Variants in FRMD3 observed in about 807,000 individuals in gnomAD.
FRMD3 encodes FERM domain containing 3, also known as FERM domain-containing protein 3.
FRMD3 carries 33 observed loss-of-function variants against 70.2 expected under a neutral mutation model. The observed-to-expected ratio is 0.47, with a 90% CI of 0.36 to 0.63. FRMD3 has a LOEUF of 0.63. Among genes scored for constraint, FRMD3 ranks in the 20% least tolerant of loss-of-function variants. The pLI, the probability that FRMD3 is intolerant of heterozygous loss-of-function variation, is 0.00. For synonymous variants in FRMD3, 279 were observed against 255.9 expected (o/e 1.09, Z -0.86); for missense variants, 632 against 711.4 (o/e 0.89, Z 1.27).
In FRMD3 at chr9:83,423,754, G is replaced by A. The variant is rs149398801; in HGVS notation, c.148-34046C>T. Among the ~76,000 whole-genome samples, 489 of 151,938 alleles carry A rather than the reference G, an allele frequency of 3.2e-3. 1 individual carries two copies. Among genetic ancestry groups the A allele is most frequent in the African/African-American group, 0.011 (456 of 41,422 alleles). ...TGGAATTACAGGCTTGTGTCACCAT[G>A]CCCAACTAATTTTTGTATTTTTGCA... On this transcript the variant is annotated intron_variant, in intron 1 of 13. Coordinates refer to ENST00000304195, the MANE Select transcript of FRMD3 (RefSeq NM_174938.6).
At chr9:83,456,816 C>T (rs1827830886) in intron 1 of FRMD3, among the ~76,000 whole-genome samples, 1 of 151,942 alleles carries the variant, frequency 6.6e-6, no homozygotes, top group African/African-American at 2.4e-5. Context: ...CCTGTCTCTA[C>T]AAAAAATACA....
intron 13 of FRMD3, among the ~76,000 whole-genome samples, chr9:83,250,322 C>T (rs1320626314): frequency 2.6e-5 from 4 of 152,208 alleles, no homozygotes; most frequent in African/African-American, 9.7e-5. Flanking sequence ...TGAGCCCAGG[C>T]CACCAGGGCC....
At chr9:83,582,293 T>C in the FRMD3 span, among the ~76,000 whole-genome samples, 8 of 152,158 alleles carry the variant, frequency 5.3e-5, no homozygotes, top group African/African-American at 1.9e-4. Flanking sequence ...AATGTTGCAA[T>C]TGGAAGAATT....
intron 10 of FRMD3, among the ~76,000 whole-genome samples, chr9:83,304,372 G>C: frequency 6.6e-6 from 1 of 152,022 alleles, no homozygotes; most frequent in Non-Finnish European, 1.5e-5. Context: ...TGTGGTCTAC[G>C]GACCCACCGC....
intron 1 of FRMD3, among the ~76,000 whole-genome samples, chr9:83,507,695 T>TATAC (rs1554713887): frequency 2.8e-5 from 1 of 36,026 alleles, no homozygotes; most frequent in Non-Finnish European, 5.0e-5. Flanking sequence ...TACATACATA[T>TATAC]ATATATATAT....
At chr9:83,519,434 A>G (rs1432031796) in intron 1 of FRMD3, among the ~76,000 whole-genome samples, 2 of 152,236 alleles carry the variant, frequency 1.3e-5, no homozygotes, top group Non-Finnish European at 2.9e-5. Context: ...AATCAAAACC[A>G]CAATGAGATA....
At position 83,450,347 on chromosome 9, in the gene FRMD3, G is replaced by GTT. The variant is rs763340189; in HGVS notation, c.148-60641_148-60640dup. Reference sequence around the variant, plus strand: ...AATGAGATCCCAACTGTCACCCTCAGTTTTTTTTTTTTTTTTTTTTTTTAT... The same window carrying GTT: ...AATGAGATCCCAACTGTCACCCTCAGTTTTTTTTTTTTTTTTTTTTTTTTTAT... On this transcript the variant is annotated intron_variant, in intron 1 of 13. Coordinates refer to ENST00000304195, the MANE Select transcript of FRMD3 (RefSeq NM_174938.6). Among the ~76,000 whole-genome samples, 393 of 111,498 alleles carry GTT rather than the reference G, an allele frequency of 3.5e-3. 1 individual carries two copies. Among genetic ancestry groups the GTT allele is most frequent in the South Asian group, 0.019 (66 of 3,452 alleles). 73.1% of individuals were successfully genotyped at this position (111,498 alleles called of 152,430 possible).
chr9:83,472,741 T>C (rs1011593091), intron 1 of FRMD3, among the ~76,000 whole-genome samples: 1 of 152,208 alleles, frequency 6.6e-6, no homozygotes, highest in Non-Finnish European at 1.5e-5. Context: ...TGTGAAAACC[T>C]GTGCCATGAG....
the FRMD3 span, among the ~76,000 whole-genome samples, chr9:83,583,568 T>A: frequency 6.6e-6 from 1 of 152,174 alleles, no homozygotes; most frequent in African/African-American, 2.4e-5. Context: ...TTAGATATAA[T>A]CTAAATTAGA....
chr9:83,495,217 G>A (rs1417734623), intron 1 of FRMD3, among the ~76,000 whole-genome samples: 1 of 152,120 alleles, frequency 6.6e-6, no homozygotes, highest in Non-Finnish European at 1.5e-5. Context: ...AGGGGAGGAG[G>A]AAATTCAGGC....
chr9:83,433,382 T>G (rs538500563), intron 1 of FRMD3, among the ~76,000 whole-genome samples: 90 of 152,268 alleles, frequency 5.9e-4, no homozygotes, highest in Non-Finnish European at 1.2e-3. Flanking sequence ...GGATTAGGCC[T>G]TCCCACAGAA....
intron 1 of FRMD3, among the ~76,000 whole-genome samples, chr9:83,519,100 A>C (rs2131542467): frequency 6.6e-6 from 1 of 152,352 alleles, no homozygotes; most frequent in African/African-American, 2.4e-5. Context: ...TTCATGACTA[A>C]AACACCAAAA....
Position 83,538,038 on chromosome 9 carries a change from C to G in FRMD3, c.147+47G>C. 6.2e-7 allele frequency: 1 copy of G among 1,601,770 alleles called. No homozygotes were observed. The highest frequency in any genetic ancestry group is 8.5e-7 in the Non-Finnish European group (1 of 1,172,054). On this transcript the variant is annotated intron_variant, in intron 1 of 13. Transcript: ENST00000304195. The surrounding 1 kb of genome is among the most constrained non-coding windows in gnomAD (Gnocchi z 4.7). ...CATGCCCACCGCAAAGGCCCCCCGC[C>G]CTGCTCCCGGCGTGTGCCCCGCGCC...
chr9:83,452,375 G>T (rs1300400030), intron 1 of FRMD3, among the ~76,000 whole-genome samples: 1 of 151,870 alleles, frequency 6.6e-6, no homozygotes, highest in Non-Finnish European at 1.5e-5. Context: ...ATCACCTGAC[G>T]TAAAAAAGAA....
chr9:83,507,685 TAC>T (rs1323260030), intron 1 of FRMD3, among the ~76,000 whole-genome samples: 2 of 23,748 alleles, frequency 8.4e-5, no homozygotes, highest in African/African-American at 3.1e-4. Flanking sequence ...AAAAAAAATA[TAC>T]ATACATATAT....
intron 1 of FRMD3, among the ~76,000 whole-genome samples, chr9:83,496,388 A>G (rs1018308516): frequency 1.3e-5 from 2 of 152,220 alleles, no homozygotes; most frequent in Non-Finnish European, 2.9e-5. Context: ...TAACCTGCAT[A>G]TGTGACAAAA....
chr9:83,300,816 G>A (rs73481836), intron 10 of FRMD3, among the ~76,000 whole-genome samples: 3 of 152,200 alleles, frequency 2.0e-5, no homozygotes, highest in African/African-American at 2.4e-5. Flanking sequence ...ACAGATGTAC[G>A]AAGGAGAATA....
intron 1 of FRMD3, among the ~76,000 whole-genome samples, chr9:83,430,257 C>G (rs548734220): frequency 6.6e-5 from 10 of 152,082 alleles, no homozygotes; most frequent in Non-Finnish European, 1.2e-4. Context: ...AAAACACAAC[C>G]CTTGTCCCAC....
intron 6 of FRMD3, among the ~76,000 whole-genome samples, chr9:83,331,118 T>A (rs778383245): frequency 6.6e-6 from 1 of 152,160 alleles, no homozygotes; most frequent in African/African-American, 2.4e-5. Context: ...CCCAAATGAG[T>A]TGAAAACTTA....
Sources: gnomAD v4.1 joint callset for allele counts (sites outside exome capture counted in the v4.1 genomes callset) on GRCh38, gnomAD v4.1.1 for gene constraint, Gnocchi (gnomAD v3.1) non-coding constraint, MANE v1.5 for transcripts, NCBI Gene and HGNC (gene_info 2026-07-23, HGNC 2026-07-21) for gene names.